Variants in SLC44A5 observed in about 807,000 individuals in gnomAD.
SLC44A5 encodes solute carrier family 44 member 5.
In SLC44A5, 57 loss-of-function variants were observed where a neutral mutation model predicts 101.8. The ratio of observed to expected loss-of-function variants is 0.56; its 90% CI spans 0.45 to 0.70. The LOEUF is 0.70. SLC44A5 is among the 30% of genes least tolerant of loss of function. SLC44A5 has a pLI of 0.00. For missense variants in SLC44A5, 737 were observed against 853.1 expected, an observed-to-expected ratio of 0.86 and a Z score of 1.70; for synonymous variants, 281 against 290.9, an observed-to-expected ratio of 0.97 and a Z score of 0.35.
chr1:75,679,731 C>T, the SLC44A5 span, among the ~76,000 whole-genome samples: 21 of 151,932 alleles, frequency 1.4e-4, 1 homozygote, highest in South Asian at 4.2e-3. Context: ...CAGCTAACAT[C>T]ATAATGACAG....
At chr1:75,615,330 CTT>C (rs1237035742), upstream of SLC44A5, among the ~76,000 whole-genome samples, 1 of 151,698 alleles carries the variant, frequency 6.6e-6, no homozygotes, top group Non-Finnish European at 1.5e-5. Context: ...GGATGCAGAA[CTT>C]GTCACCCTAG....
At chr1:75,369,232 G>A (rs957534794) in intron 3 of SLC44A5, among the ~76,000 whole-genome samples, 2 of 151,844 alleles carry the variant, frequency 1.3e-5, no homozygotes, top group Non-Finnish European at 2.9e-5. Context: ...TGCCCAGGGT[G>A]GTCTCGAAAT....
At chr1:75,708,413 C>CAAAAA in the SLC44A5 span, among the ~76,000 whole-genome samples, 256 of 39,048 alleles carry the variant, frequency 6.6e-3, 61 homozygotes, top group African/African-American at 0.027. Flanking sequence ...GACTCCGTCT[C>CAAAAA]AAAAAAAAAA....
At chr1:75,469,225 T>C (rs1666975809) in intron 2 of SLC44A5, among the ~76,000 whole-genome samples, 1 of 152,198 alleles carries the variant, frequency 6.6e-6, no homozygotes, top group South Asian at 2.1e-4. Context: ...GTATTTTACA[T>C]TTACAGCTCA....
intron 2 of SLC44A5, among the ~76,000 whole-genome samples, chr1:75,426,044 G>A (rs1664288803): frequency 7.1e-6 from 1 of 141,302 alleles, no homozygotes; most frequent in South Asian, 2.2e-4. Flanking sequence ...GGTGTCAGAG[G>A]TGTTACAGGA....
intron 2 of SLC44A5, among the ~76,000 whole-genome samples, chr1:75,528,748 C>G (rs1180090579): frequency 1.3e-5 from 2 of 152,154 alleles, no homozygotes; most frequent in African/African-American, 4.8e-5. Context: ...ACCCTATTTA[C>G]TTTTCTTTCT....
chr1:75,611,125 A>G (rs527335512), upstream of SLC44A5: 165 of 984,204 alleles, frequency 1.7e-4, no homozygotes, highest in Non-Finnish European at 2.0e-4. Flanking sequence ...GTGAAAAAAA[A>G]GCTGATGTCA....
intron 2 of SLC44A5, among the ~76,000 whole-genome samples, chr1:75,494,096 G>A (rs995721367): frequency 3.3e-5 from 5 of 152,094 alleles, no homozygotes; most frequent in African/African-American, 7.2e-5. Flanking sequence ...TTAGGTCATC[G>A]GGGCAATGCC....
At chr1:75,605,112 T>C (rs1675246622) in intron 1 of SLC44A5, among the ~76,000 whole-genome samples, 1 of 152,056 alleles carries the variant, frequency 6.6e-6, no homozygotes, top group Admixed American at 6.6e-5. Context: ...TTTGAAAGCC[T>C]GATTTTTGTC....
the SLC44A5 span, among the ~76,000 whole-genome samples, chr1:75,658,834 A>G: frequency 6.6e-6 from 1 of 152,102 alleles, no homozygotes; most frequent in Non-Finnish European, 1.5e-5. Flanking sequence ...CAGAAAAGGA[A>G]AATTTGGTTT....
At chr1:75,675,737 C>T in the SLC44A5 span, among the ~76,000 whole-genome samples, 1 of 151,988 alleles carries the variant, frequency 6.6e-6, no homozygotes, top group Non-Finnish European at 1.5e-5. Flanking sequence ...TTCTGCAGAG[C>T]AAAAGAAACT....
chr1:75,601,506 C>T (rs919146639), intron 1 of SLC44A5, among the ~76,000 whole-genome samples: 1 of 152,106 alleles, frequency 6.6e-6, no homozygotes, highest in African/African-American at 2.4e-5. Flanking sequence ...ACATTCTGCA[C>T]ATGTACCCCA....
chr1:75,532,891 A>T (rs1218244609), intron 2 of SLC44A5, among the ~76,000 whole-genome samples: 2 of 152,142 alleles, frequency 1.3e-5, no homozygotes, highest in African/African-American at 2.4e-5. Context: ...AATACAAATT[A>T]ATATATATAG....
In SLC44A5 at chr1:75,203,681, A is replaced by G; in HGVS notation, c.*46T>C. The G allele has an allele frequency of 6.6e-7, 1 of 1,520,728 alleles. No homozygotes were observed. The highest frequency in any genetic ancestry group is 1.4e-5 in the African/African-American group (1 of 71,876). 94.2% of individuals were successfully genotyped at this position (1,520,728 alleles called of 1,614,324 possible). On this transcript the variant is annotated 3_prime_UTR_variant, in exon 24 of 24. Transcript: ENST00000370859. ...AACAAATGTTGCACAGACACAGCAG[A>G]TGGAGAAAAGGTAACACACAGCTGT...
intron 1 of SLC44A5, among the ~76,000 whole-genome samples, chr1:75,576,458 C>T (rs140675338): frequency 6.6e-6 from 1 of 150,760 alleles, no homozygotes; most frequent in Non-Finnish European, 1.5e-5. Context: ...GGACTACAGG[C>T]GCCCGCCACC....
chr1:75,502,465 T>G (rs1395955064), intron 2 of SLC44A5, among the ~76,000 whole-genome samples: 2 of 152,222 alleles, frequency 1.3e-5, no homozygotes, highest in Admixed American at 6.5e-5. Context: ...TCATTTACAG[T>G]GCCAACTACA....
intron 6 of SLC44A5, among the ~76,000 whole-genome samples, chr1:75,271,116 T>A (rs1557601900): frequency 1.3e-5 from 2 of 152,044 alleles, no homozygotes; most frequent in Non-Finnish European, 2.9e-5. Flanking sequence ...AGCCCAGTCA[T>A]CTCTAACAGG....
chr1:75,395,787 C>A (rs1249814), intron 3 of SLC44A5, among the ~76,000 whole-genome samples: 95,211 of 151,976 alleles, frequency 0.63, 31,316 homozygotes, highest in East Asian at 0.96. Context: ...TGGTGATCAC[C>A]GTTAATAATA....
intron 2 of SLC44A5, among the ~76,000 whole-genome samples, chr1:75,454,324 G>A (rs1361989922): frequency 6.6e-6 from 1 of 151,986 alleles, no homozygotes; most frequent in African/African-American, 2.4e-5. Context: ...AATAAATGCA[G>A]AAAAAGCTTT....
Sources: allele counts gnomAD v4.1 joint callset (sites outside exome capture counted in the v4.1 genomes callset), GRCh38; gene constraint gnomAD v4.1.1; transcripts MANE v1.5; gene names NCBI Gene and HGNC (gene_info 2026-07-23, HGNC 2026-07-21).